The following ANK2 variants were observed in gnomAD, a reference collection of about 807,000 sequenced individuals.
ANK2 encodes ankyrin 2, also known as ankyrin-2.
ANK2 carries 83 observed loss-of-function variants against 360.5 expected under a neutral mutation model. The observed-to-expected ratio is 0.23, with a 90% CI of 0.19 to 0.28. The LOEUF (loss-of-function observed/expected upper bound fraction) is 0.28, where lower values mean the gene tolerates loss of function less well. Among genes scored for constraint, ANK2 ranks in the 10% least tolerant of loss-of-function variants. The pLI, the probability that ANK2 is intolerant of heterozygous loss-of-function variation, is 1.00. For synonymous variants in ANK2, 1,740 were observed against 1,759.5 expected, an observed-to-expected ratio of 0.99 and a Z score of 0.28; for missense variants, 4,201 against 4,795.7, an observed-to-expected ratio of 0.88 and a Z score of 3.66.
intron 2 of ANK2, among the ~76,000 whole-genome samples, chr4:113,177,339 C>T (rs1017548453): frequency 3.9e-5 from 6 of 152,208 alleles, no homozygotes; most frequent in African/African-American, 1.4e-4. Flanking sequence ...CTCGGCCTCC[C>T]AAAGTGCTGG....
chr4:113,371,688 C>T (rs1193026486), intron 43 of ANK2, among the ~76,000 whole-genome samples: 3 of 152,104 alleles, frequency 2.0e-5, no homozygotes, highest in Non-Finnish European at 4.4e-5. Context: ...ACTTTTCTTG[C>T]CAACCATATT....
At chr4:112,745,813 G>A in the ANK2 span, among the ~76,000 whole-genome samples, 1 of 152,062 alleles carries the variant, frequency 6.6e-6, no homozygotes, top group African/African-American at 2.4e-5. Context: ...GATTACAGGT[G>A]TGAGCCACTG....
intron 1 of ANK2, among the ~76,000 whole-genome samples, chr4:112,882,901 T>C (rs1241991762): frequency 6.6e-6 from 1 of 151,602 alleles, no homozygotes; most frequent in Non-Finnish European, 1.5e-5. Context: ...TACATTGGAG[T>C]GCACACTATG....
the ANK2 span, among the ~76,000 whole-genome samples, chr4:112,801,510 A>C: frequency 9.9e-5 from 15 of 152,198 alleles, no homozygotes; most frequent in Admixed American, 9.8e-4. Context: ...GAGAAGGCAC[A>C]GGATGCTGTG....
At chr4:112,873,291 T>A (rs2073888496) in intron 1 of ANK2, among the ~76,000 whole-genome samples, 2 of 151,900 alleles carry the variant, frequency 1.3e-5, no homozygotes, top group Admixed American at 6.6e-5. Context: ...TTTTTATAAG[T>A]TGAAATGTTA....
intron 1 of ANK2, among the ~76,000 whole-genome samples, chr4:113,075,818 T>C (rs1199942280): frequency 6.6e-6 from 1 of 152,198 alleles, no homozygotes; most frequent in Non-Finnish European, 1.5e-5. Context: ...CCAAATCGTA[T>C]TGGATTTGGT....
chr4:112,927,987 T>G (rs2092768040), intron 2 of ANK2, among the ~76,000 whole-genome samples: 1 of 152,328 alleles, frequency 6.6e-6, no homozygotes, highest in East Asian at 1.9e-4. Flanking sequence ...CCTACATAAT[T>G]TATAAGCTCT....
chr4:112,984,844 C>T lies in ANK2; in HGVS notation c.21+80330C>T, dbSNP rs189055285. Among the ~76,000 whole-genome samples, 295 of 152,296 alleles carry T rather than the reference C, an allele frequency of 1.9e-3. 7 individuals are homozygous for T. Among genetic ancestry groups the T allele is most frequent in the Admixed American group, 0.016 (241 of 15,286 alleles). On this transcript the variant is annotated intron_variant, in intron 2 of 30. Coordinates refer to the ANK2 transcript ENST00000503271. ...TTAGATCATCTTTGGACTGAGGCTG[C>T]TCAATTACATTACCAGTGTGTGTTG...
At chr4:112,818,665 T>A (rs2056076415) in intron 1 of ANK2, among the ~76,000 whole-genome samples, 1 of 152,192 alleles carries the variant, frequency 6.6e-6, no homozygotes, top group African/African-American at 2.4e-5. Flanking sequence ...AGACACTGGC[T>A]GTGTCTGTGC....
intron 2 of ANK2, among the ~76,000 whole-genome samples, chr4:113,176,564 A>G (rs1054577156): frequency 6.6e-6 from 1 of 152,044 alleles, no homozygotes; most frequent in Non-Finnish European, 1.5e-5. Context: ...GGATATATGG[A>G]CTTATTCTAT....
chr4:113,187,166 T>C lies in ANK2; in HGVS notation c.187-9202T>C, dbSNP rs558520757. 8.2e-4 allele frequency among the ~76,000 whole-genome samples: 125 copies of C among 151,986 alleles called. 1 individual carries two copies. Among genetic ancestry groups the C allele is most frequent in the Non-Finnish European group, 1.0e-4 (7 of 67,984 alleles). ...AAATAAATCTCTGCACCTCAGTGGGTATGCAGTCATTGCTGCAGTCAGTGA... is the reference window on the plus strand; with the variant it reads ...AAATAAATCTCTGCACCTCAGTGGGCATGCAGTCATTGCTGCAGTCAGTGA... On this transcript the variant is annotated intron_variant, in intron 2 of 45. Transcript: ENST00000357077.
chr4:112,878,264 A>G (rs1452762219), intron 1 of ANK2, among the ~76,000 whole-genome samples: 5 of 151,324 alleles, frequency 3.3e-5, no homozygotes, highest in Admixed American at 2.6e-4. Flanking sequence ...ACTCATTACC[A>G]TCTCCTACTT....
intron 2 of ANK2, among the ~76,000 whole-genome samples, chr4:112,951,108 G>A (rs887670582): frequency 3.0e-4 from 40 of 131,496 alleles, no homozygotes; most frequent in African/African-American, 9.7e-4. Flanking sequence ...AAAAAAAAAT[G>A]TGTGCCTCTT....
At chr4:112,733,579 G>T in the ANK2 span, among the ~76,000 whole-genome samples, 1 of 152,056 alleles carries the variant, frequency 6.6e-6, no homozygotes, top group Non-Finnish European at 1.5e-5. Flanking sequence ...TGCAGAAACT[G>T]GTTTTTTCAC....
chr4:112,816,710 T>C (rs974462009), upstream of ANK2, among the ~76,000 whole-genome samples: 3 of 152,220 alleles, frequency 2.0e-5, no homozygotes, highest in South Asian at 6.2e-4. Flanking sequence ...TATTTATTTT[T>C]CTACTTAAGA....
At chr4:112,988,294 G>A (rs1263928351) in intron 2 of ANK2, among the ~76,000 whole-genome samples, 1 of 152,186 alleles carries the variant, frequency 6.6e-6, no homozygotes, top group Non-Finnish European at 1.5e-5. Flanking sequence ...TATACTCGAT[G>A]GACTTTGTAC....
At chr4:113,000,641 A>C in intron 2 of ANK2, among the ~76,000 whole-genome samples, 1 of 152,346 alleles carries the variant, frequency 6.6e-6, no homozygotes, top group South Asian at 2.1e-4. Context: ...ATGAGTTTAG[A>C]AAAGTTGAAC....
intron 1 of ANK2, among the ~76,000 whole-genome samples, chr4:112,870,774 G>T (rs1335526487): frequency 1.3e-5 from 2 of 152,070 alleles, no homozygotes; most frequent in African/African-American, 4.8e-5. Context: ...AGCTATTCTA[G>T]GTCCCTTACA....
chr4:113,225,560 G>C (rs1361369742), intron 4 of ANK2, among the ~76,000 whole-genome samples: 1 of 152,094 alleles, frequency 6.6e-6, no homozygotes, highest in African/African-American at 2.4e-5. Context: ...AGGCTGAAAA[G>C]TTAAGATTCT....
Sources: gnomAD v4.1 joint callset for allele counts (sites outside exome capture counted in the v4.1 genomes callset) on GRCh38, gnomAD v4.1.1 for gene constraint, MANE v1.5 for transcripts, NCBI Gene and HGNC (gene_info 2026-07-23, HGNC 2026-07-21) for gene names.